The following NAV3 variants were observed in gnomAD, a reference collection of about 807,000 sequenced individuals.
NAV3 encodes the protein neuron navigator 3, also known as pore membrane and/or filament interacting like protein 1.
NAV3 carries 87 observed loss-of-function variants against 244.7 expected under a neutral mutation model. That is an observed-to-expected ratio of 0.36 (90% CI 0.30 to 0.42). NAV3 has a LOEUF of 0.42. Ranked by LOEUF, NAV3 falls within the 20% of genes least tolerant of loss-of-function variation. NAV3 has a pLI of 1.00. For synonymous variants in NAV3, 1,126 were observed against 1,042.2 expected (o/e 1.08, Z -1.55); for missense variants, 2,663 against 2,893.3 (o/e 0.92, Z 1.83).
intron 1 of NAV3, among the ~76,000 whole-genome samples, chr12:77,928,920 A>C (rs1375362228): frequency 6.6e-6 from 1 of 152,198 alleles, no homozygotes; most frequent in Non-Finnish European, 1.5e-5. Context: ...TCTGCATAAC[A>C]AAGTGTCACT....
Position 78,007,377 on chromosome 12 carries a change from T to C in NAV3, c.1839T>C (p.Ala613=), listed in dbSNP as rs191646397. 1.4e-4 allele frequency: 230 copies of C among 1,614,180 alleles called. 1 individual carries two copies. In the East Asian group the frequency reaches 5.1e-3, roughly 36 times the overall value. ...QSSGQSTGNG[A]VQLPQQQQHS... ...GTGGGCAGAGCACAGGAAATGGTGCTGTCCAACTCCCTCAACAGCAGCAAC... is the reference window on the plus strand; with the variant it reads ...GTGGGCAGAGCACAGGAAATGGTGCCGTCCAACTCCCTCAACAGCAGCAAC... Residue 613 remains alanine (A), a synonymous_variant, in exon 8 of 40, where the codon GCT becomes GCC. Coordinates refer to ENST00000397909, the MANE Select transcript of NAV3 (RefSeq NM_001024383.2).
intron 5 of NAV3, among the ~76,000 whole-genome samples, chr12:77,974,086 T>G (rs1893248030): frequency 6.6e-6 from 1 of 151,860 alleles, no homozygotes. Flanking sequence ...CTAACACTGG[T>G]GTTTCGGTTG....
intron 20 of NAV3, among the ~76,000 whole-genome samples, chr12:78,141,245 C>T (rs985779454): frequency 2.7e-5 from 4 of 149,616 alleles, no homozygotes; most frequent in Non-Finnish European, 3.0e-5. Context: ...CTTTTGCAAA[C>T]GTGTGACATT....
At chr12:77,756,449 T>G (rs576427618) in intron 2 of NAV3, among the ~76,000 whole-genome samples, 3 of 152,136 alleles carry the variant, frequency 2.0e-5, no homozygotes, top group Non-Finnish European at 4.4e-5. Context: ...ATTGTGAACA[T>G]AGGAATGAAG....
intron 12 of NAV3, among the ~76,000 whole-genome samples, chr12:78,107,277 A>G (rs929084506): frequency 2.0e-5 from 3 of 152,184 alleles, no homozygotes; most frequent in Non-Finnish European, 2.9e-5. Context: ...TATACGAATT[A>G]TAGATACCCC....
At position 77,644,387 on chromosome 12, in the gene NAV3, A is replaced by G. The variant is rs1180446960; in HGVS notation, c.72+72121A>G. Among the ~76,000 whole-genome samples the G allele has an allele frequency of 3.3e-5, 5 of 152,220 alleles. No individual in the cohort carries two copies. The East Asian group carries it at 9.6e-4, about 29-fold the overall frequency. ...TTGAGATTTTGTCTTCTGAAAAACCAATAAAGTTTTACATTATTCTTGGTA... is the reference window on the plus strand; with the variant it reads ...TTGAGATTTTGTCTTCTGAAAAACCGATAAAGTTTTACATTATTCTTGGTA... On this transcript the variant is annotated intron_variant, in intron 2 of 8. Transcript: ENST00000550042.
intron 2 of NAV3, among the ~76,000 whole-genome samples, chr12:77,644,934 A>G (rs998833690): frequency 6.6e-5 from 10 of 152,296 alleles, no homozygotes; most frequent in Non-Finnish European, 1.5e-4. Context: ...AAGTAAGCAT[A>G]TATAATACCA....
chr12:77,969,169 T>C (rs573906109), intron 5 of NAV3, among the ~76,000 whole-genome samples: 8 of 145,888 alleles, frequency 5.5e-5, no homozygotes, highest in Non-Finnish European at 7.6e-5. Context: ...TGTGTGTGTG[T>C]GCATGAGTGT....
chr12:77,909,054 C>T (rs1050720371), intron 1 of NAV3, among the ~76,000 whole-genome samples: 3 of 151,924 alleles, frequency 2.0e-5, no homozygotes, highest in East Asian at 1.9e-4. Flanking sequence ...GGGATAATAA[C>T]GTTTGCTGAT....
intron 1 of NAV3, among the ~76,000 whole-genome samples, chr12:77,888,758 T>C (rs1374425531): frequency 6.6e-6 from 1 of 152,138 alleles, no homozygotes; most frequent in Non-Finnish European, 1.5e-5. Flanking sequence ...GGATGTGGAA[T>C]TGGCATGAGT....
rs1870902597 is a variant in NAV3, at chr12:77,988,410, T to G, written c.672-6393T>G. ...ATGAGGATTTACACTGAAGCTGAAA[T>G]AGGAAGCTCTGGCAGTTTGGATCCT... On this transcript the variant is annotated intron_variant, in intron 5 of 39. Coordinates refer to ENST00000397909, the MANE Select transcript of NAV3 (RefSeq NM_001024383.2). Among the ~76,000 whole-genome samples, 2 of 152,200 alleles carry G rather than the reference T, an allele frequency of 1.3e-5. 1 individual carries two copies. The highest frequency in any genetic ancestry group is 4.1e-4 in the South Asian group (2 of 4,834).
At chr12:77,633,285 T>G (rs1355880661) in intron 2 of NAV3, among the ~76,000 whole-genome samples, 1 of 152,108 alleles carries the variant, frequency 6.6e-6, no homozygotes, top group East Asian at 1.9e-4. Context: ...GTTTCAAAGA[T>G]TAATCATCAT....
At position 77,877,604 on chromosome 12, in the gene NAV3, G is replaced by T. The variant is rs117798672; in HGVS notation, c.243+45900G>T. ...GAAGCAAGAAACTGGCTGGTGTCAA[G>T]TTTCCCATTAGGAAATAAATAAATG... On this transcript the variant is annotated intron_variant, in intron 1 of 39. Coordinates refer to ENST00000397909, the MANE Select transcript of NAV3 (RefSeq NM_001024383.2). Among the ~76,000 whole-genome samples, 1,052 of 152,206 alleles carry T rather than the reference G, an allele frequency of 6.9e-3. 8 individuals carry two copies. Among genetic ancestry groups the T allele is most frequent in the Non-Finnish European group, 0.011 (723 of 67,996 alleles).
chr12:77,990,638 A>G (rs1254768808), intron 5 of NAV3, among the ~76,000 whole-genome samples: 1 of 152,200 alleles, frequency 6.6e-6, no homozygotes, highest in Non-Finnish European at 1.5e-5. Context: ...TAATTATCAC[A>G]CTTTAAAAAT....
rs886259427 is a variant in NAV3 at position 78,212,688 on chromosome 12, C to G, written c.*2171C>G. On this transcript the variant is annotated 3_prime_UTR_variant, in exon 40 of 40. Coordinates refer to ENST00000397909, the MANE Select transcript of NAV3 (RefSeq NM_001024383.2). Reference sequence around the variant, plus strand: ...ATAAACAGAATTTCCTGCAATACATCCCAGTAGGTCCACCTAGTTTACAAC... The same window carrying G: ...ATAAACAGAATTTCCTGCAATACATGCCAGTAGGTCCACCTAGTTTACAAC... The G allele has an allele frequency of 6.6e-6, 1 of 152,596 alleles. No individual in the cohort carries two copies. Among genetic ancestry groups the G allele is most frequent in the Admixed American group, 6.5e-5 (1 of 15,272 alleles). The allele number at this position is 152,596 out of a possible 1,614,324, so 9.5% of individuals were successfully genotyped here.
At chr12:77,886,277 C>T (rs1436608531) in intron 1 of NAV3, among the ~76,000 whole-genome samples, 6 of 152,146 alleles carry the variant, frequency 3.9e-5, no homozygotes, top group African/African-American at 9.7e-5. Context: ...CATTCAAGGG[C>T]TTCTCTTTAT....
intron 2 of NAV3, among the ~76,000 whole-genome samples, chr12:77,605,220 C>G (rs912631458): frequency 6.6e-6 from 1 of 152,020 alleles, no homozygotes; most frequent in Non-Finnish European, 1.5e-5. Flanking sequence ...CTCAATAAAG[C>G]TTCTATACTC....
chr12:78,007,899 C>T (rs1242269), intron 8 of NAV3, among the ~76,000 whole-genome samples: 36,373 of 152,002 alleles, frequency 0.24, 5,447 homozygotes, highest in East Asian at 0.53. Context: ...GATAAAGTTG[C>T]GGATTTCATT....
chr12:78,152,928 A>T (rs559653804), intron 22 of NAV3, among the ~76,000 whole-genome samples: 1 of 152,070 alleles, frequency 6.6e-6, no homozygotes, highest in East Asian at 1.9e-4. Context: ...TAATAGCTAT[A>T]ATTTATAGGG....
Sources: gnomAD v4.1 joint callset for allele counts (sites outside exome capture counted in the v4.1 genomes callset) on GRCh38, gnomAD v4.1.1 for gene constraint, MANE v1.5 for transcripts, NCBI Gene and HGNC (gene_info 2026-07-23, HGNC 2026-07-21) for gene names.